The following TRPV5 variants were observed in gnomAD, a reference collection of about 807,000 sequenced individuals.
TRPV5 encodes the protein calcium transport protein 2.
TRPV5 carries 66 observed loss-of-function variants against 74.1 expected under a neutral mutation model. The ratio of observed to expected loss-of-function variants is 0.89; its 90% CI spans 0.73 to 1.09. The LOEUF is 1.09. TRPV5 is among the 50% of genes least tolerant of loss of function. The pLI is 0.00. For synonymous variants in TRPV5, 399 were observed against 360.7 expected (o/e 1.11, Z -1.20); for missense variants, 936 against 930.4 (o/e 1.01, Z -0.08).
rs537408860 is a variant in TRPV5, at chr7:142,925,627, A to T, written c.1024T>A (p.Cys342Ser). ...LAALYLLYMI[C>S]FTTCCVYRPL... ...CGGTAGACGCAGCACGTAGTAAAGC[A>T]GATCATGTAGAGCAGGTACAAGGCA... The change falls in exon 8 of 15, where the codon TGC becomes AGC. Residue 342 changes from cysteine to serine, a missense_variant. By Grantham distance (112) the Cys-to-Ser change is moderately radical. Coordinates refer to ENST00000265310, the MANE Select transcript of TRPV5 (RefSeq NM_019841.7). The T allele has an allele frequency of 6.2e-7, 1 of 1,614,224 alleles. No homozygotes were observed. Among genetic ancestry groups the T allele is most frequent in the African/African-American group, 1.3e-5 (1 of 75,052 alleles).
rs866604373 is a variant in TRPV5 at position 142,924,269 on chromosome 7, T to C, written c.1122+1260A>G. Among the ~76,000 whole-genome samples the C allele has an allele frequency of 3.7e-5, 4 of 107,652 alleles. No homozygotes were observed. In the East Asian group the frequency reaches 9.1e-4, roughly 25 times the overall value. The allele number at this position is 107,652 out of a possible 152,430, so 70.6% of individuals were successfully genotyped here. A position where few individuals can be genotyped will look rare whatever the true frequency, so the allele number is the denominator to read the frequency against. On this transcript the variant is annotated intron_variant, in intron 8 of 14. Transcript: ENST00000265310. The stretch of plus-strand genomic sequence containing the variant: ...ACATATACATGTATATATATACATA[T>C]ATATATATATACATATACATGTATA...
intron 8 of TRPV5, 25 bp downstream of exon 8, chr7:142,925,504 C>T: frequency 1.2e-6 from 2 of 1,612,128 alleles, no homozygotes; most frequent in South Asian, 1.1e-5. Context: ...GCAATTCTCT[C>T]TCATCCCCTT....
Position 142,928,735 on chromosome 7 carries a change from C to G in TRPV5, c.718G>C (p.Gly240Arg). 2 of 1,614,120 alleles carry G rather than the reference C, an allele frequency of 1.2e-6. No individual in the cohort carries two copies. Among genetic ancestry groups the G allele is most frequent in the Non-Finnish European group, 1.7e-6 (2 of 1,180,010 alleles). ...QPLDLVPNHQ[G>R]LTPFKLAGVE... ...CCAGCCAGCTTGAAGGGGGTGAGAC[C>G]CTGGTGATTGGGCACAAGGTCCAGG... The change falls in exon 6 of 15, where the codon GGT (glycine) becomes CGT (arginine). Residue 240 changes from glycine to arginine, a missense_variant. Physicochemically the swap from Gly to Arg is moderately radical, Grantham distance 125 (BLOSUM62 -2). Coordinates refer to ENST00000265310, the MANE Select transcript of TRPV5 (RefSeq NM_019841.7).
intron 8 of TRPV5, among the ~76,000 whole-genome samples, chr7:142,916,747 ACT>A (rs1175964916): frequency 2.6e-5 from 4 of 152,038 alleles, no homozygotes; most frequent in Non-Finnish European, 4.4e-5. Context: ...ATCTCTCCAG[ACT>A]CTACTGCAGC....
chr7:142,929,910 C>A lies in TRPV5; in HGVS notation c.349+148G>T, dbSNP rs529582069. ...GATTGGTAAAAGCCAAGACCAGGAC[C>A]TTTGCATTTCTCCCAACTCAACGGA... On this transcript the variant is annotated intron_variant, in intron 3 of 14. Transcript: ENST00000265310. 8.2e-5 allele frequency: 107 copies of A among 1,301,798 alleles called. No individual in the cohort carries two copies. In the African/African-American group the frequency reaches 1.3e-3, roughly 15 times the overall value. 80.6% of individuals were successfully genotyped at this position (1,301,798 alleles called of 1,614,324 possible).
In TRPV5 at chr7:142,914,639, C is replaced by T. The variant is rs146817871; in HGVS notation, c.1519+1G>A. On this transcript the variant is annotated splice_donor_variant, in intron 12 of 14. Transcript: ENST00000265310. LOFTEE classifies it high-confidence loss of function. ...TAGTAGAGGAGTGTATGGTGCCTTA[C>T]CGGAGGCAAATCCCAAGATGACCAC... 107 of 1,612,624 alleles carry T rather than the reference C, an allele frequency of 6.6e-5. No homozygotes were observed. The highest frequency in any genetic ancestry group is 8.6e-5 in the Non-Finnish European group (102 of 1,179,444).
intron 7 of TRPV5, among the ~76,000 whole-genome samples, chr7:142,927,175 T>G (rs778568182): frequency 6.6e-6 from 1 of 152,196 alleles, no homozygotes; most frequent in Non-Finnish European, 1.5e-5. Flanking sequence ...CCCCAGCATT[T>G]CCTCTGTGAC....
rs1402558056 is a variant in TRPV5 at position 142,933,562 on chromosome 7, ACT to A, written c.-105_-104del. On this transcript the variant is annotated 5_prime_UTR_variant, in exon 1 of 15. The change creates a premature stop within an existing upstream ORF in the 5' untranslated region. Transcript: ENST00000265310. ...GAGATGGGGTCTATTTGGGGCTGGGACTCTGAGTTTATCTCCTGTATGACTTG... is the reference window on the plus strand; with the variant it reads ...GAGATGGGGTCTATTTGGGGCTGGGACTGAGTTTATCTCCTGTATGACTTG... 2.0e-6 allele frequency: 3 copies of A among 1,482,044 alleles called. No individual in the cohort carries two copies. The highest frequency in any genetic ancestry group is 2.7e-6 in the Non-Finnish European group (3 of 1,097,486). 91.8% of individuals were successfully genotyped at this position (1,482,044 alleles called of 1,614,324 possible).
intron 8 of TRPV5, among the ~76,000 whole-genome samples, chr7:142,921,748 C>G (rs181619905): frequency 1.6e-4 from 25 of 152,310 alleles, no homozygotes; most frequent in African/African-American, 5.8e-4. Context: ...TCCCATCCCC[C>G]TGGGGATAAA....
chr7:142,933,207 G>T, intron 1 of TRPV5, 125 bp downstream of exon 1: 2 of 1,293,006 alleles, frequency 1.5e-6, no homozygotes, highest in Non-Finnish European at 2.1e-6. Context: ...GAAGGAAAGG[G>T]TATGTCTGAG....
intron 8 of TRPV5, among the ~76,000 whole-genome samples, chr7:142,920,175 G>C (rs746803952): frequency 1.3e-5 from 2 of 151,836 alleles, no homozygotes; most frequent in African/African-American, 2.4e-5. Flanking sequence ...GGGCCATAAA[G>C]AGAGAGAGAG....
chr7:142,918,290 T>C (rs914120243), intron 8 of TRPV5, among the ~76,000 whole-genome samples: 1 of 152,240 alleles, frequency 6.6e-6, no homozygotes, highest in Non-Finnish European at 1.5e-5. Flanking sequence ...AAAATATTGT[T>C]GCCTGGTTAT....
At chr7:142,909,254 G>C (rs1795667838) in intron 14 of TRPV5, among the ~76,000 whole-genome samples, 1 of 152,142 alleles carries the variant, frequency 6.6e-6, no homozygotes, top group South Asian at 2.1e-4. Context: ...GGTCAGCTCA[G>C]AACAAGGTTA....
Position 142,933,674 on chromosome 7 carries a change from TGTG to T in TRPV5, c.-218_-216del, listed in dbSNP as rs747727883. On this transcript the variant is annotated 5_prime_UTR_variant, in exon 1 of 15. Coordinates refer to ENST00000265310, the MANE Select transcript of TRPV5 (RefSeq NM_019841.7). ...TGTGCGTGTATGCACAGTGTGTGGC[TGTG>T]GTGTATGTGTGTGCATGCAGTGTGT... 5 of 603,826 alleles carry T rather than the reference TGTG, an allele frequency of 8.3e-6. No individual in the cohort carries two copies. Among genetic ancestry groups the T allele is most frequent in the Non-Finnish European group, 1.1e-5 (4 of 349,468 alleles). The allele number at this position is 603,826 out of a possible 1,614,324, so 37.4% of individuals were successfully genotyped here.
In TRPV5 at chr7:142,908,285, A is replaced by G. The variant is rs1008843575; in HGVS notation, c.*229T>C. 4.6e-5 allele frequency: 27 copies of G among 580,774 alleles called. No homozygotes were observed. The highest frequency in any genetic ancestry group is 6.1e-5 in the Non-Finnish European group (20 of 329,492). The allele number at this position is 580,774 out of a possible 1,614,324, so 36.0% of individuals were successfully genotyped here. A position where few individuals can be genotyped will look rare whatever the true frequency, so the allele number is the denominator to read the frequency against. On this transcript the variant is annotated 3_prime_UTR_variant, in exon 15 of 15. Coordinates refer to ENST00000265310, the MANE Select transcript of TRPV5 (RefSeq NM_019841.7). ...AGTTGCCAACCTCCTTTTTCCTGAG[A>G]TGGGTGACTTGCAAGAGCCCAGAAA...
chr7:142,921,651 C>G (rs146432892), intron 8 of TRPV5, among the ~76,000 whole-genome samples: 2 of 152,094 alleles, frequency 1.3e-5, no homozygotes, highest in East Asian at 1.9e-4. Context: ...TACCACCCCC[C>G]ACATCTGTTA....
Position 142,933,545 on chromosome 7 carries a change from G to T in TRPV5, c.-86C>A. ...TGACAGCAACTGAGCAAGAGATGGG[G>T]TCTATTTGGGGCTGGGACTCTGAGT... is the stretch of plus-strand genomic sequence containing the variant. On this transcript the variant is annotated 5_prime_UTR_variant, in exon 1 of 15. Transcript: ENST00000265310. The T allele has an allele frequency of 1.3e-6, 2 of 1,535,068 alleles. No homozygotes were observed. The highest frequency in any genetic ancestry group is 2.5e-5 in the South Asian group (2 of 78,536).
intron 10 of TRPV5, 49 bp downstream of exon 10, chr7:142,915,258 A>G (rs1252836023): frequency 1.2e-6 from 2 of 1,601,108 alleles, no homozygotes; most frequent in South Asian, 1.1e-5. Context: ...GGAGACAGGA[A>G]AAGATTCTGG....
chr7:142,922,452 A>G lies in TRPV5; in HGVS notation c.1122+3077T>C, dbSNP rs143553191. Among the ~76,000 whole-genome samples the G allele has an allele frequency of 7.7e-3, 1,170 of 152,300 alleles. 9 individuals are homozygous for G. Among genetic ancestry groups the G allele is most frequent in the Non-Finnish European group, 0.013 (852 of 68,018 alleles). On this transcript the variant is annotated intron_variant, in intron 8 of 14. Transcript: ENST00000265310. ...AGAGCTGCACTTACCTCAAAGATGG[A>G]AGCCACGGGTTCTCAACCTTGGCAG...
Sources: allele counts gnomAD v4.1 joint callset (sites outside exome capture counted in the v4.1 genomes callset), GRCh38; gene constraint gnomAD v4.1.1; transcripts MANE v1.5; gene names NCBI Gene and HGNC (gene_info 2026-07-23, HGNC 2026-07-21).